ZNF705A: variants seen among roughly 807,000 people sequenced by gnomAD.
ZNF705A encodes zinc finger protein 705A.
Under a neutral mutation model 16.6 loss-of-function variants are expected in ZNF705A, and 8 were observed. The observed-to-expected ratio is 0.48, with a 90% CI of 0.28 to 0.87. The LOEUF is 0.87. Ranked by LOEUF, ZNF705A falls within the 40% of genes least tolerant of loss-of-function variation. The pLI, the probability that ZNF705A is intolerant of heterozygous loss-of-function variation, is 0.10. For missense variants in ZNF705A, 233 were observed against 359.9 expected (o/e 0.65, Z 2.85); for synonymous variants, 73 against 117.3 (o/e 0.62, Z 2.44).
intron 1 of ZNF705A, among the ~76,000 whole-genome samples, chr12:8,157,898 G>A (rs1165264147): frequency 2.6e-5 from 4 of 152,098 alleles, no homozygotes; most frequent in Non-Finnish European, 5.9e-5. Flanking sequence ...AGCTTCCTCT[G>A]GCCTTTGTTA....
In ZNF705A at chr12:8,177,410, C is replaced by T. The variant is rs758413780; in HGVS notation, c.730C>T (p.Arg244Ter). ...AGCCTTTATTCAATCCTTTAACCTT[C>T]GAAGACATGAGAGAACTCACCTTGG... Residue 244 changes from arginine (R) to a stop codon, truncating the protein, a stop_gained, in exon 5 of 5, where the codon CGA becomes TGA. Transcript: ENST00000359286. LOFTEE classifies it low-confidence loss of function (END_TRUNC). 9.3e-6 allele frequency: 15 copies of T among 1,611,872 alleles called. No individual in the cohort carries two copies. The highest frequency in any genetic ancestry group is 3.3e-5 in the Admixed American group (2 of 59,992).
At chr12:8,176,096 A>G (rs769175505) in intron 4 of ZNF705A, among the ~76,000 whole-genome samples, 154 bp downstream of exon 5, 1 of 152,352 alleles carries the variant, frequency 6.6e-6, no homozygotes, top group Admixed American at 6.5e-5. Flanking sequence ...TAGTGAATAC[A>G]TTGAACTGTG....
chr12:8,170,370 T>C (rs1159059025), upstream of ZNF705A, among the ~76,000 whole-genome samples: 6 of 152,198 alleles, frequency 3.9e-5, no homozygotes, highest in Non-Finnish European at 8.8e-5. Flanking sequence ...TTTAAAAGTT[T>C]CTCCTAAAGA....
At chr12:8,173,414 G>A (rs949600146) in intron 1 of ZNF705A, among the ~76,000 whole-genome samples, 2 of 152,064 alleles carry the variant, frequency 1.3e-5, no homozygotes, top group Admixed American at 6.6e-5. Flanking sequence ...TGCTTTATAC[G>A]GGCTGGTTAG....
upstream of ZNF705A, among the ~76,000 whole-genome samples, chr12:8,171,098 A>G (rs992853457): frequency 6.6e-6 from 1 of 152,224 alleles, no homozygotes; most frequent in Non-Finnish European, 1.5e-5. Flanking sequence ...ATCATTTATT[A>G]AATTGGTAAA....
At chr12:8,173,106 A>G (rs931965793) in intron 1 of ZNF705A, among the ~76,000 whole-genome samples, 7 of 152,374 alleles carry the variant, frequency 4.6e-5, no homozygotes, top group East Asian at 1.9e-4. Flanking sequence ...CAGCCCAACA[A>G]TGAGTCTGAT....
At position 8,173,424 on chromosome 12, in the gene ZNF705A, GA is replaced by G. The variant is rs746518357; in HGVS notation, c.12+795del. ...GGAAATGCTTTATACGGGCTGGTTA[GA>G]AAAAAAACAATGAAGAGGCTTTTTA... On this transcript the variant is annotated intron_variant, in intron 1 of 4. Coordinates refer to ENST00000359286, the Ensembl canonical transcript of ZNF705A. 3.3e-5 allele frequency among the ~76,000 whole-genome samples: 5 copies of G among 151,912 alleles called. No homozygotes were observed. The East Asian group carries it at 5.8e-4, about 18-fold the overall frequency.
At chr12:8,168,672 G>T (rs1196525031), upstream of ZNF705A, among the ~76,000 whole-genome samples, 1 of 152,210 alleles carries the variant, frequency 6.6e-6, no homozygotes, top group South Asian at 2.1e-4. Context: ...TAGAAATTCT[G>T]TAACTACATA....
intron 3 of ZNF705A, 70 bp from the exon 5 acceptor site, chr12:8,175,790 G>T: frequency 6.2e-7 from 1 of 1,605,164 alleles, no homozygotes. Flanking sequence ...AAGTAAATGG[G>T]CCTTGGGGCT....
chr12:8,169,177 A>G (rs2120713941), upstream of ZNF705A, among the ~76,000 whole-genome samples: 1 of 152,282 alleles, frequency 6.6e-6, no homozygotes, highest in South Asian at 2.1e-4. Context: ...CTCTCCTGTT[A>G]CACAAACTTT....
At chr12:8,177,049 A>C in exon 5 of ZNF705A, 1 of 1,611,022 alleles carries the variant, frequency 6.2e-7, no homozygotes, top group Non-Finnish European at 8.5e-7. Flanking sequence ...ATTCGGGAGA[A>C]GATTGCACTC....
chr12:8,159,816 T>C (rs1389421501), intron 1 of ZNF705A, among the ~76,000 whole-genome samples: 1 of 152,204 alleles, frequency 6.6e-6, no homozygotes, highest in Non-Finnish European at 1.5e-5. Context: ...ATGCAAAAGT[T>C]CTTTGGTTTA....
chr12:8,164,053 T>TC (rs987113559), intron 1 of ZNF705A, among the ~76,000 whole-genome samples: 3 of 151,820 alleles, frequency 2.0e-5, no homozygotes, highest in South Asian at 2.1e-4. Context: ...CCTCCCTGAG[T>TC]CCCCCCCTTT....
At chr12:8,166,732 GGCCCAAACTAT>G (rs1314700278) in intron 1 of ZNF705A, among the ~76,000 whole-genome samples, 1 of 152,220 alleles carries the variant, frequency 6.6e-6, no homozygotes, top group Non-Finnish European at 1.5e-5. Flanking sequence ...CTAAAGCGGT[GGCCCAAACTAT>G]GTCTGGGGCC....
intron 1 of ZNF705A, among the ~76,000 whole-genome samples, 182 bp from the exon 3 acceptor site, chr12:8,174,144 G>C (rs1456849337): frequency 6.6e-6 from 1 of 152,100 alleles, no homozygotes; most frequent in Non-Finnish European, 1.5e-5. Context: ...ATTCAGAGTG[G>C]GTATATCTCT....
At chr12:8,161,780 C>G (rs754478150) in intron 1 of ZNF705A, among the ~76,000 whole-genome samples, 1 of 152,148 alleles carries the variant, frequency 6.6e-6, no homozygotes, top group Non-Finnish European at 1.5e-5. Context: ...AGTACTTACC[C>G]AAAAGCACGG....
At chr12:8,173,197 T>C (rs1461382118) in intron 1 of ZNF705A, among the ~76,000 whole-genome samples, 1 of 152,248 alleles carries the variant, frequency 6.6e-6, no homozygotes, top group Middle Eastern at 3.2e-3. Context: ...TTTGATAAAA[T>C]ATATTTGAGC....
chr12:8,164,505 G>A (rs754512025), intron 1 of ZNF705A, among the ~76,000 whole-genome samples: 51 of 152,236 alleles, frequency 3.4e-4, no homozygotes, highest in Non-Finnish European at 6.6e-4. Context: ...CTCCCAACAG[G>A]CCCCAGTGTG....
exon 5 of ZNF705A, chr12:8,179,314 A>T (rs1372365548): frequency 6.6e-6 from 1 of 152,196 alleles, no homozygotes; most frequent in East Asian, 1.9e-4. Flanking sequence ...AAACACCAGC[A>T]TGATAAAACA....
Sources: allele counts gnomAD v4.1 joint callset (sites outside exome capture counted in the v4.1 genomes callset), GRCh38; gene constraint gnomAD v4.1.1; transcripts MANE v1.5; gene names NCBI Gene and HGNC (gene_info 2026-07-23, HGNC 2026-07-21).